EVI5: variants seen among roughly 807,000 people sequenced by gnomAD.
EVI5 encodes the protein ecotropic viral integration site 5 protein homolog.
EVI5 carries 73 observed loss-of-function variants against 112.0 expected under a neutral mutation model. That is an observed-to-expected ratio of 0.65 (90% CI 0.54 to 0.79). The LOEUF is 0.79. EVI5 is among the 30% of genes least tolerant of loss of function. EVI5 has a pLI of 0.00. For synonymous variants in EVI5, 305 were observed against 319.9 expected, an observed-to-expected ratio of 0.95 and a Z score of 0.50; for missense variants, 900 against 968.8, an observed-to-expected ratio of 0.93 and a Z score of 0.94.
chr1:92,707,730 CCTCA>C (rs1672231715), intron 2 of EVI5, among the ~76,000 whole-genome samples: 1 of 152,026 alleles, frequency 6.6e-6, no homozygotes, highest in African/African-American at 2.4e-5. Flanking sequence ...TTTGATAATT[CCTCA>C]TACAGTTGAA....
intron 11 of EVI5, 152 bp downstream of exon 11, chr1:92,665,787 T>C (rs1664782491): frequency 3.9e-6 from 2 of 506,522 alleles, no homozygotes; most frequent in Non-Finnish European, 6.9e-6. Context: ...AGTAACAAGT[T>C]ATCTGGCTAA....
chr1:92,593,831 G>C (rs900639071), intron 18 of EVI5, among the ~76,000 whole-genome samples: 1 of 152,138 alleles, frequency 6.6e-6, no homozygotes, highest in Non-Finnish European at 1.5e-5. Context: ...TTGCTTCAAA[G>C]AGAATAAAAT....
At chr1:92,662,617 A>C in intron 13 of EVI5, 102 bp downstream of exon 13, 1 of 798,104 alleles carries the variant, frequency 1.3e-6, no homozygotes, top group Non-Finnish European at 1.6e-6. Context: ...GTCTAAAACA[A>C]AATTATTTAA....
At chr1:92,591,396 A>G (rs1212146462) in intron 18 of EVI5, among the ~76,000 whole-genome samples, 1 of 152,192 alleles carries the variant, frequency 6.6e-6, no homozygotes, top group African/African-American at 2.4e-5. Context: ...ACATAGGCTC[A>G]AAATAAAGGG....
intron 1 of EVI5, among the ~76,000 whole-genome samples, chr1:92,775,243 C>T (rs1400999904): frequency 6.6e-6 from 1 of 152,044 alleles, no homozygotes; most frequent in Non-Finnish European, 1.5e-5. Context: ...ACCTGGCCAA[C>T]GTGGTGAAAC....
rs558690309 is a variant in EVI5, at chr1:92,619,673, A to G, written c.1827+4503T>C. Among the ~76,000 whole-genome samples, 31 of 152,012 alleles carry G rather than the reference A, an allele frequency of 2.0e-4. 1 individual carries two copies. Among genetic ancestry groups the G allele is most frequent in the Middle Eastern group, 3.4e-3 (1 of 294 alleles). On this transcript the variant is annotated intron_variant, in intron 16 of 19. Transcript: ENST00000684568. ...AGTGGCTCGTGACTGTAATCCTAGCACTTTGGGGAGGCTGAGATGGGAGGA... is the reference window on the plus strand; with the variant it reads ...AGTGGCTCGTGACTGTAATCCTAGCGCTTTGGGGAGGCTGAGATGGGAGGA...
At chr1:92,550,162 C>T (rs1002905504) in intron 19 of EVI5, among the ~76,000 whole-genome samples, 1 of 152,014 alleles carries the variant, frequency 6.6e-6, no homozygotes, top group African/African-American at 2.4e-5. Flanking sequence ...GAATATTATG[C>T]AGCCATAAAA....
chr1:92,514,860 A>G (rs979802519), intron 19 of EVI5, among the ~76,000 whole-genome samples: 1 of 152,248 alleles, frequency 6.6e-6, no homozygotes, highest in Admixed American at 6.5e-5. Context: ...GTAAATGATG[A>G]AAATGATTTA....
chr1:92,650,097 C>G (rs1453988603), intron 13 of EVI5, among the ~76,000 whole-genome samples: 1 of 152,090 alleles, frequency 6.6e-6, no homozygotes, highest in Non-Finnish European at 1.5e-5. Context: ...ATTAAGTTTA[C>G]AAATCAGAAA....
intron 13 of EVI5, among the ~76,000 whole-genome samples, chr1:92,661,778 G>A (rs975192506): frequency 1.3e-5 from 2 of 151,696 alleles, no homozygotes; most frequent in African/African-American, 2.4e-5. Context: ...CCGAGATGAC[G>A]ATGCTGTTTC....
At chr1:92,579,580 AC>A (rs1402613578) in intron 18 of EVI5, among the ~76,000 whole-genome samples, 1 of 152,184 alleles carries the variant, frequency 6.6e-6, no homozygotes, top group African/African-American at 2.4e-5. Context: ...TGTGACTAAT[AC>A]AGTTATTAAT....
At chr1:92,519,951 T>C (rs973469595) in intron 19 of EVI5, among the ~76,000 whole-genome samples, 6 of 139,892 alleles carry the variant, frequency 4.3e-5, no homozygotes, top group Non-Finnish European at 7.8e-5. Flanking sequence ...CAAGAGACAA[T>C]ATATTATATG....
At chr1:92,710,086 C>CAAAAAACAAAAAAAAA (rs1672612339) in intron 2 of EVI5, among the ~76,000 whole-genome samples, 1 of 82,786 alleles carries the variant, frequency 1.2e-5, no homozygotes, top group Non-Finnish European at 2.1e-5. Flanking sequence ...TATTGCAAAG[C>CAAAAAACAAAAAAAAA]AAAAAAAAAA....
In EVI5 at chr1:92,760,691, G is replaced by A. The variant is rs1422849570; in HGVS notation, c.-81-24064C>T. Among the ~76,000 whole-genome samples the A allele has an allele frequency of 5.4e-5, 8 of 147,466 alleles. 1 individual carries two copies. Among genetic ancestry groups the A allele is most frequent in the Admixed American group, 3.4e-4 (5 of 14,532 alleles). ...GGAGGTTGCAGTGACGCAAGATCGC[G>A]CCACAGCACTCCAGCCTGGGCGAAG... On this transcript the variant is annotated intron_variant, in intron 1 of 19. Coordinates refer to ENST00000684568, the MANE Select transcript of EVI5 (RefSeq NM_001350197.2).
chr1:92,704,657 G>T lies in EVI5; in HGVS notation c.237C>A (p.Ala79=). 6.2e-7 allele frequency: 1 copy of T among 1,604,146 alleles called. No individual in the cohort carries two copies. Among genetic ancestry groups the T allele is most frequent in the Admixed American group, 1.7e-5 (1 of 59,266 alleles). Residue 79 remains alanine, a synonymous_variant, in exon 3 of 20, where the codon GCC becomes GCA. Transcript: ENST00000684568. ...CTTCAAGGTGACTGAGGTTGCTAGA[G>T]GCTGATGAACTCGACACAAGAGAAG... is the stretch of plus-strand genomic sequence containing the variant. ...SGSSLVSSSS[A]SSNLSHLEED...
At chr1:92,784,744 G>A in intron 1 of EVI5, 92 bp downstream of exon 1, 1 of 915,704 alleles carries the variant, frequency 1.1e-6, no homozygotes, top group Non-Finnish European at 1.3e-6. Context: ...GCCCCCGCCC[G>A]CCGCGCCTCG....
chr1:92,640,784 G>A (rs1659808356), intron 13 of EVI5, among the ~76,000 whole-genome samples: 2 of 152,136 alleles, frequency 1.3e-5, no homozygotes. Flanking sequence ...ACATACATAT[G>A]TTTACCGCAG....
chr1:92,627,046 A>C (rs1163401989), intron 14 of EVI5, among the ~76,000 whole-genome samples: 1 of 152,204 alleles, frequency 6.6e-6, no homozygotes, highest in Non-Finnish European at 1.5e-5. Context: ...ATTGGGGTAC[A>C]GGTGGTATTT....
chr1:92,515,072 T>C (rs1399913153), intron 19 of EVI5, among the ~76,000 whole-genome samples: 1 of 152,158 alleles, frequency 6.6e-6, no homozygotes, highest in East Asian at 1.9e-4. Context: ...CTTCTCTTAG[T>C]GGGGAGGAGG....
Sources: allele counts gnomAD v4.1 joint callset (sites outside exome capture counted in the v4.1 genomes callset), GRCh38; gene constraint gnomAD v4.1.1; transcripts MANE v1.5; gene names NCBI Gene and HGNC (gene_info 2026-07-23, HGNC 2026-07-21).